The following CLVS1 variants were observed in gnomAD, a reference collection of about 807,000 sequenced individuals.
CLVS1 encodes the protein clavesin 1, also known as clavesin-1.
CLVS1 carries 10 observed loss-of-function variants against 33.1 expected under a neutral mutation model. The ratio of observed to expected loss-of-function variants is 0.30; its 90% CI spans 0.19 to 0.51. The LOEUF is 0.51. Among genes scored for constraint, CLVS1 ranks in the 20% least tolerant of loss-of-function variants. CLVS1 has a pLI of 0.97. For synonymous variants in CLVS1, 163 were observed against 166.1 expected (o/e 0.98, Z 0.14); for missense variants, 343 against 433.4 (o/e 0.79, Z 1.85).
intron 2 of CLVS1, among the ~76,000 whole-genome samples, chr8:61,169,441 A>T (rs1806947707): frequency 6.6e-6 from 1 of 152,138 alleles, no homozygotes; most frequent in African/African-American, 2.4e-5. Flanking sequence ...TAGCCAGAAA[A>T]TAATCAACTG....
intron 2 of CLVS1, among the ~76,000 whole-genome samples, chr8:61,190,738 A>G (rs1183066026): frequency 2.6e-5 from 4 of 152,234 alleles, no homozygotes; most frequent in Non-Finnish European, 4.4e-5. Context: ...AGATAATACT[A>G]TAAAGCCCTC....
chr8:61,272,020 A>G (rs2129592758), intron 2 of CLVS1, among the ~76,000 whole-genome samples: 1 of 150,754 alleles, frequency 6.6e-6, no homozygotes, highest in African/African-American at 2.4e-5. Flanking sequence ...TTATGTGTGA[A>G]TTTGATCCTG....
At chr8:61,345,741 G>A (rs1266912395) in intron 2 of CLVS1, among the ~76,000 whole-genome samples, 1 of 151,788 alleles carries the variant, frequency 6.6e-6, no homozygotes. Context: ...AAAGGGAAGA[G>A]ATGGGGGAAA....
At position 61,137,375 on chromosome 8, in the gene CLVS1, T is replaced by C. The variant is rs753348838; in HGVS notation, c.-152+5515T>C. 3.3e-5 allele frequency among the ~76,000 whole-genome samples: 5 copies of C among 152,202 alleles called. No homozygotes were observed. The East Asian group carries it at 7.7e-4, about 23-fold the overall frequency. On this transcript the variant is annotated intron_variant, in intron 2 of 2. Transcript: ENST00000522621. ...TGAGTTTGAATCTTGGTGCTATCAC[T>C]TGGTAGCTGTGTGACCTTAGATATG...
intron 1 of CLVS1, among the ~76,000 whole-genome samples, chr8:61,085,790 G>A (rs1347708806): frequency 6.6e-6 from 1 of 150,970 alleles, no homozygotes. Context: ...TTGGGAGGCC[G>A]AGGCGGGCGG....
chr8:61,236,047 G>A (rs1028574892), intron 2 of CLVS1, among the ~76,000 whole-genome samples: 14 of 152,108 alleles, frequency 9.2e-5, no homozygotes, highest in African/African-American at 3.4e-4. Context: ...GATCCTCCTG[G>A]ACTGCTTTCC....
chr8:61,273,345 C>T (rs930952221), intron 2 of CLVS1, among the ~76,000 whole-genome samples: 8 of 152,068 alleles, frequency 5.3e-5, no homozygotes, highest in South Asian at 4.1e-4. Context: ...GCAGTCTGCC[C>T]GTTCTCAGAT....
At chr8:61,425,649 G>A (rs1815860714) in intron 3 of CLVS1, among the ~76,000 whole-genome samples, 1 of 152,072 alleles carries the variant, frequency 6.6e-6, no homozygotes, top group Non-Finnish European at 1.5e-5. Flanking sequence ...TATCCCAATT[G>A]GGAAAATTAT....
At position 61,484,402 on chromosome 8, in the gene CLVS1, A is replaced by C. The variant is rs2640231; in HGVS notation, c.978-15053A>C. On this transcript the variant is annotated intron_variant, in intron 5 of 5. Transcript: ENST00000325897. ...AACTTACAAGGGATGTGAAGGACTT[A>C]TTCAAGGAGAACTACAAACCACTGC... 1.7e-4 allele frequency among the ~76,000 whole-genome samples: 26 copies of C among 151,616 alleles called. No individual in the cohort carries two copies. The East Asian group carries it at 4.7e-3, about 27-fold the overall frequency.
At chr8:61,260,109 C>A (rs1866694) in intron 2 of CLVS1, among the ~76,000 whole-genome samples, 62,903 of 152,042 alleles carry the variant, frequency 0.41, 18,951 homozygotes, top group East Asian at 0.86. Flanking sequence ...CGTCATGTAA[C>A]GTAGGATGGC....
intron 5 of CLVS1, among the ~76,000 whole-genome samples, chr8:61,487,464 A>G (rs139940488): frequency 1.2e-4 from 18 of 152,368 alleles, no homozygotes; most frequent in African/African-American, 4.1e-4. Flanking sequence ...TATTCTAAGT[A>G]AAATGCTGTC....
At chr8:61,387,354 T>C (rs1021559689) in intron 3 of CLVS1, among the ~76,000 whole-genome samples, 1 of 151,698 alleles carries the variant, frequency 6.6e-6, no homozygotes, top group African/African-American at 2.4e-5. Flanking sequence ...GCCACTGCAC[T>C]CCAGGCTGGG....
intron 2 of CLVS1, among the ~76,000 whole-genome samples, chr8:61,238,121 A>G (rs1275426603): frequency 3.9e-5 from 6 of 152,238 alleles, no homozygotes; most frequent in African/African-American, 1.4e-4. Flanking sequence ...TAGAAGATCT[A>G]CTTTCTTATT....
At chr8:61,042,067 T>G in the CLVS1 span, among the ~76,000 whole-genome samples, 1 of 152,204 alleles carries the variant, frequency 6.6e-6, no homozygotes, top group African/African-American at 2.4e-5. Context: ...CCAACCAGCT[T>G]GAATCCCTTT....
chr8:61,357,263 C>T (rs891248561), intron 2 of CLVS1, among the ~76,000 whole-genome samples: 19 of 152,008 alleles, frequency 1.2e-4, no homozygotes, highest in African/African-American at 4.6e-4. Flanking sequence ...CTACAGGGCA[C>T]ATGGCATGGA....
chr8:61,161,538 G>A (rs897826418), intron 2 of CLVS1, among the ~76,000 whole-genome samples: 1 of 152,184 alleles, frequency 6.6e-6, no homozygotes, highest in African/African-American at 2.4e-5. Flanking sequence ...TAAGTAAAAT[G>A]AGCCAGACAT....
At chr8:61,402,116 T>C (rs1814792713) in intron 3 of CLVS1, among the ~76,000 whole-genome samples, 1 of 152,162 alleles carries the variant, frequency 6.6e-6, no homozygotes, top group Non-Finnish European at 1.5e-5. Flanking sequence ...ATTTATGCCA[T>C]GTTTTAATTA....
intron 5 of CLVS1, among the ~76,000 whole-genome samples, chr8:61,483,457 AC>A (rs1803745655): frequency 6.6e-6 from 1 of 152,352 alleles, no homozygotes; most frequent in African/African-American, 2.4e-5. Flanking sequence ...TTAATAGCCT[AC>A]CAACCAAAAA....
intron 5 of CLVS1, among the ~76,000 whole-genome samples, chr8:61,483,749 C>G (rs971601083): frequency 7.9e-5 from 12 of 152,222 alleles, no homozygotes; most frequent in Non-Finnish European, 1.5e-4. Flanking sequence ...GCTTATCCAC[C>G]ATGATCAAGT....
Sources: allele counts gnomAD v4.1 joint callset (sites outside exome capture counted in the v4.1 genomes callset), GRCh38; gene constraint gnomAD v4.1.1; transcripts MANE v1.5; gene names NCBI Gene and HGNC (gene_info 2026-07-23, HGNC 2026-07-21).